The following TMOD2 variants were observed in gnomAD, a reference collection of about 807,000 sequenced individuals.
TMOD2 encodes tropomodulin 2, also known as tropomodulin-2.
In TMOD2, 22 loss-of-function variants were observed where a neutral mutation model predicts 39.9. The observed-to-expected ratio is 0.55, with a 90% CI of 0.39 to 0.79. The LOEUF (loss-of-function observed/expected upper bound fraction) is 0.79, where lower values mean the gene tolerates loss of function less well. Among genes scored for constraint, TMOD2 ranks in the 30% least tolerant of loss-of-function variants. The pLI is 0.00. For synonymous variants in TMOD2, 123 were observed against 146.1 expected (o/e 0.84, Z 1.14); for missense variants, 386 against 413.3 (o/e 0.93, Z 0.57).
chr15:51,795,581 T>TTGCTTG (rs1567245571), intron 7 of TMOD2, among the ~76,000 whole-genome samples: 1 of 18,646 alleles, frequency 5.4e-5, no homozygotes, highest in East Asian at 1.0e-3. Context: ...TTGCTTGCTT[T>TTGCTTG]CTTTCTTTCT....
chr15:51,788,101 G>A (rs1830477032), intron 7 of TMOD2, among the ~76,000 whole-genome samples: 1 of 152,128 alleles, frequency 6.6e-6, no homozygotes, highest in Non-Finnish European at 1.5e-5. Flanking sequence ...AAGCTAAAAA[G>A]GTTAGACGAA....
chr15:51,768,802 A>G (rs563205269), intron 3 of TMOD2, among the ~76,000 whole-genome samples: 35 of 152,362 alleles, frequency 2.3e-4, no homozygotes, highest in African/African-American at 8.4e-4. Context: ...AAATAAGCCC[A>G]TGAACTGGAT....
At chr15:51,793,607 T>C (rs1013669796) in intron 7 of TMOD2, among the ~76,000 whole-genome samples, 2 of 152,256 alleles carry the variant, frequency 1.3e-5, no homozygotes, top group Admixed American at 6.5e-5. Flanking sequence ...GTTTTACTAA[T>C]GTTATTATTC....
rs149213763 is a variant in TMOD2, at chr15:51,780,986, A to G, written c.494-58A>G. On this transcript the variant is annotated intron_variant, in intron 5 of 9. Coordinates refer to ENST00000249700, the MANE Select transcript of TMOD2 (RefSeq NM_014548.4). ...AAGAAATGTCATTTTTTGGGAAGTCACCACTGATTTTGATAGGAGAGACTT... is the reference window on the plus strand; with the variant it reads ...AAGAAATGTCATTTTTTGGGAAGTCGCCACTGATTTTGATAGGAGAGACTT... The G allele has an allele frequency of 4.9e-4, 718 of 1,455,058 alleles. 5 individuals carry two copies. In the African/African-American group the frequency reaches 9.3e-3, roughly 19 times the overall value. 90.1% of individuals were successfully genotyped at this position (1,455,058 alleles called of 1,614,324 possible).
intron 8 of TMOD2, among the ~76,000 whole-genome samples, chr15:51,801,235 T>A (rs868279361): frequency 0.086 from 9,348 of 108,084 alleles, 606 homozygotes; most frequent in African/African-American, 0.22. Flanking sequence ...TCTCTCTCTC[T>A]CTCACACACA....
Position 51,810,121 on chromosome 15 carries a change from A to T in TMOD2, c.*1667A>T, listed in dbSNP as rs567702783. On this transcript the variant is annotated 3_prime_UTR_variant, in exon 10 of 10. Transcript: ENST00000249700. The stretch of plus-strand genomic sequence containing the variant: ...TCATCTCCTTATCTATTTAAAAAAC[A>T]TAGTAAATAATGTTTATGGTTTTCA... 2 of 125,994 alleles carry T rather than the reference A, an allele frequency of 1.6e-5. No individual in the cohort carries two copies. Among genetic ancestry groups the T allele is most frequent in the African/African-American group, 2.8e-5 (1 of 35,406 alleles). 7.8% of individuals were successfully genotyped at this position (125,994 alleles called of 1,614,324 possible). A position where few individuals can be genotyped will look rare whatever the true frequency, so the allele number is the denominator to read the frequency against.
chr15:51,784,959 A>T (rs566220917), intron 7 of TMOD2: 1 of 152,350 alleles, frequency 6.6e-6, no homozygotes, highest in African/African-American at 2.4e-5. Context: ...TACTAAGTGG[A>T]TTAAATAAAT....
At position 51,778,426 on chromosome 15, in the gene TMOD2, T is replaced by A. The variant is rs192298897; in HGVS notation, c.493+1408T>A. On this transcript the variant is annotated intron_variant, in intron 5 of 9. Coordinates refer to ENST00000249700, the MANE Select transcript of TMOD2 (RefSeq NM_014548.4). The stretch of plus-strand genomic sequence containing the variant: ...GGGTGCAGCACACCAGCATGACACA[T>A]GTATACATATGTAACTAACTTGCAC... Among the ~76,000 whole-genome samples, 1,372 of 149,632 alleles carry A rather than the reference T, an allele frequency of 9.2e-3. 30 individuals are homozygous for A. The highest frequency in any genetic ancestry group is 0.071 in the East Asian group (356 of 5,020).
chr15:51,800,273 G>A (rs1445444369), intron 8 of TMOD2, among the ~76,000 whole-genome samples: 1 of 152,290 alleles, frequency 6.6e-6, no homozygotes. Context: ...CTGAAGTACA[G>A]CCTGTAATCC....
intron 7 of TMOD2, 56 bp downstream of exon 7, chr15:51,782,884 A>T: frequency 6.6e-7 from 1 of 1,520,078 alleles, no homozygotes; most frequent in Non-Finnish European, 9.1e-7. Context: ...TGGAAACTCT[A>T]TTTACTTTGT....
intron 5 of TMOD2, among the ~76,000 whole-genome samples, chr15:51,780,023 G>A (rs189478613): frequency 1.4e-4 from 21 of 152,254 alleles, no homozygotes; most frequent in Non-Finnish European, 2.4e-4. Context: ...AAGTTGTTAC[G>A]TGATGATGCT....
intron 8 of TMOD2, among the ~76,000 whole-genome samples, chr15:51,804,554 CGTTTTGTTTT>C (rs1203836873): frequency 8.6e-5 from 13 of 150,486 alleles, no homozygotes; most frequent in South Asian, 2.1e-4. Flanking sequence ...CAAGCCTGTA[CGTTTTGTTTT>C]GTTTTGTTTT....
At chr15:51,759,101 G>A (rs1328299185) in intron 1 of TMOD2, among the ~76,000 whole-genome samples, 2 of 152,200 alleles carry the variant, frequency 1.3e-5, no homozygotes, top group Non-Finnish European at 2.9e-5. Context: ...GTTGAATGTG[G>A]ACAATGCAGA....
At chr15:51,782,973 A>G (rs889439270) in intron 7 of TMOD2, 145 bp downstream of exon 7, 5 of 653,768 alleles carry the variant, frequency 7.6e-6, no homozygotes, top group South Asian at 3.8e-5. Flanking sequence ...TTACAATGCA[A>G]TAGTTAAACT....
intron 7 of TMOD2, among the ~76,000 whole-genome samples, chr15:51,787,747 G>C (rs1348171179): frequency 1.3e-5 from 2 of 152,206 alleles, no homozygotes; most frequent in Non-Finnish European, 2.9e-5. Flanking sequence ...GCAAACTCCA[G>C]CAGACGTGCA....
At position 51,809,665 on chromosome 15, in the gene TMOD2, C is replaced by G. The variant is rs186442408; in HGVS notation, c.*1211C>G. 2 of 152,330 alleles carry G rather than the reference C, an allele frequency of 1.3e-5. No individual in the cohort carries two copies. Among genetic ancestry groups the G allele is most frequent in the East Asian group, 3.9e-4 (2 of 5,188 alleles). The allele number at this position is 152,330 out of a possible 1,614,324, so 9.4% of individuals were successfully genotyped here. A position where few individuals can be genotyped will look rare whatever the true frequency, so the allele number is the denominator to read the frequency against. ...TCAAGCTCACAACTCTGATAACTGT[C>G]AGTGCCTGAGGTTGTGATTGGTGAC... On this transcript the variant is annotated 3_prime_UTR_variant, in exon 10 of 10. Transcript: ENST00000249700.
chr15:51,779,669 G>A (rs146441599), intron 5 of TMOD2, among the ~76,000 whole-genome samples: 1 of 150,596 alleles, frequency 6.6e-6, no homozygotes, highest in Non-Finnish European at 1.5e-5. Flanking sequence ...TTTTTTAATG[G>A]ATAGATAATG....
rs939476635 is a variant in TMOD2 at position 51,809,999 on chromosome 15, T to G, written c.*1545T>G. ...TGTGTCTCTGAAGTCCTTTGAAACA[T>G]CTCATTATCTTGAAATTTTTTTAAT... On this transcript the variant is annotated 3_prime_UTR_variant, in exon 10 of 10. Coordinates refer to ENST00000249700, the MANE Select transcript of TMOD2 (RefSeq NM_014548.4). 3 of 152,218 alleles carry G rather than the reference T, an allele frequency of 2.0e-5. No homozygotes were observed. The highest frequency in any genetic ancestry group is 4.4e-5 in the Non-Finnish European group (3 of 68,040). 9.4% of individuals were successfully genotyped at this position (152,218 alleles called of 1,614,324 possible). A position where few individuals can be genotyped will look rare whatever the true frequency, so the allele number is the denominator to read the frequency against.
intron 7 of TMOD2, among the ~76,000 whole-genome samples, chr15:51,795,565 G>T (rs1270160976): frequency 9.2e-6 from 1 of 108,838 alleles, no homozygotes; most frequent in African/African-American, 4.2e-5. Context: ...CTTCTCTTCT[G>T]CTTGCTTGCT....
Sources: allele counts gnomAD v4.1 joint callset (sites outside exome capture counted in the v4.1 genomes callset), GRCh38; gene constraint gnomAD v4.1.1; transcripts MANE v1.5; gene names NCBI Gene and HGNC (gene_info 2026-07-23, HGNC 2026-07-21).